The following NKAIN2 variants were observed in gnomAD, a reference collection of about 807,000 sequenced individuals.
The protein encoded by NKAIN2 is sodium/potassium-transporting ATPase subunit beta-1-interacting protein 2.
In NKAIN2, 14 loss-of-function variants were observed where a neutral mutation model predicts 32.6. That is an observed-to-expected ratio of 0.43 (90% CI 0.28 to 0.67). The LOEUF (loss-of-function observed/expected upper bound fraction) is 0.67. NKAIN2 is among the 30% of genes least tolerant of loss of function. NKAIN2 has a pLI of 0.17. For synonymous variants in NKAIN2, 80 were observed against 87.2 expected (o/e 0.92, Z 0.46); for missense variants, 198 against 258.3 (o/e 0.77, Z 1.60).
At chr6:123,810,582 A>C (rs1390178451) in intron 1 of NKAIN2, among the ~76,000 whole-genome samples, 1 of 152,222 alleles carries the variant, frequency 6.6e-6, no homozygotes, top group African/African-American at 2.4e-5. Context: ...ATAACCATGA[A>C]ATAGGGTCTT....
chr6:124,771,157 A>T (rs1052721302), intron 4 of NKAIN2, among the ~76,000 whole-genome samples: 9 of 152,196 alleles, frequency 5.9e-5, no homozygotes, highest in Non-Finnish European at 8.8e-5. Flanking sequence ...TGCCTAAGAC[A>T]GTTGCTTCAC....
chr6:124,708,767 A>G (rs1266958893), intron 4 of NKAIN2, among the ~76,000 whole-genome samples: 1 of 151,712 alleles, frequency 6.6e-6, no homozygotes, highest in Non-Finnish European at 1.5e-5. Context: ...CTAGATATAC[A>G]ATCATGTCGT....
intron 1 of NKAIN2, among the ~76,000 whole-genome samples, chr6:124,239,741 A>T (rs1440061958): frequency 6.6e-6 from 1 of 152,216 alleles, no homozygotes; most frequent in Non-Finnish European, 1.5e-5. Flanking sequence ...GACACAGTTA[A>T]AGCAGTGTTT....
At chr6:124,093,083 G>A (rs1784501053) in intron 1 of NKAIN2, among the ~76,000 whole-genome samples, 1 of 152,020 alleles carries the variant, frequency 6.6e-6, no homozygotes, top group Non-Finnish European at 1.5e-5. Flanking sequence ...TATCTTAGCT[G>A]CATGATTTCC....
At chr6:123,872,893 C>T (rs1480671336) in intron 1 of NKAIN2, among the ~76,000 whole-genome samples, 1 of 152,114 alleles carries the variant, frequency 6.6e-6, no homozygotes, top group Non-Finnish European at 1.5e-5. Context: ...CCTTATAACA[C>T]CTAAAATTAT....
chr6:124,457,857 G>A (rs1776382559), intron 3 of NKAIN2, among the ~76,000 whole-genome samples: 1 of 152,014 alleles, frequency 6.6e-6, no homozygotes, highest in South Asian at 2.1e-4. Flanking sequence ...TGTGTTGGGA[G>A]CACCATTTAT....
chr6:124,257,513 A>G lies in NKAIN2; in HGVS notation c.55-25492A>G, dbSNP rs145362855. Among the ~76,000 whole-genome samples the G allele has an allele frequency of 2.7e-3, 417 of 152,312 alleles. 1 individual carries two copies. Among genetic ancestry groups the G allele is most frequent in the African/African-American group, 9.3e-3 (386 of 41,562 alleles). ...AGACTTCTTGATTATAAAATTAGAA[A>G]TTATTTATGTAAATAAAAACTCAAT... is the stretch of plus-strand genomic sequence containing the variant. On this transcript the variant is annotated intron_variant, in intron 1 of 6. Coordinates refer to ENST00000368417, the MANE Select transcript of NKAIN2 (RefSeq NM_001040214.3).
chr6:124,038,394 T>C (rs1781703977), intron 1 of NKAIN2, among the ~76,000 whole-genome samples: 1 of 152,030 alleles, frequency 6.6e-6, no homozygotes. Flanking sequence ...TCTGTATTTT[T>C]AGTAGAGACA....
rs79161915 is a variant in NKAIN2 at position 123,889,743 on chromosome 6, A to G, written c.54+85489A>G. Among the ~76,000 whole-genome samples the G allele has an allele frequency of 5.1e-4, 78 of 152,330 alleles. No homozygotes were observed. The East Asian group carries it at 0.013, about 26-fold the overall frequency. ...GTTTTGAGTAAGCTTATAGCTACTCATGAAATTCAGGATGTTATTAGAAGT... is the reference window on the plus strand; with the variant it reads ...GTTTTGAGTAAGCTTATAGCTACTCGTGAAATTCAGGATGTTATTAGAAGT... On this transcript the variant is annotated intron_variant, in intron 1 of 6. Transcript: ENST00000368417.
chr6:124,152,400 A>G (rs570725831), intron 1 of NKAIN2, among the ~76,000 whole-genome samples: 1 of 152,058 alleles, frequency 6.6e-6, no homozygotes, highest in African/African-American at 2.4e-5. Flanking sequence ...TTGCAGCTAT[A>G]TTTTTCTCTT....
At chr6:124,544,545 A>C (rs1291028973) in intron 3 of NKAIN2, among the ~76,000 whole-genome samples, 1 of 152,142 alleles carries the variant, frequency 6.6e-6, no homozygotes, top group South Asian at 2.1e-4. Context: ...GTGTTTTACC[A>C]CTTAGAGTGA....
rs1174196731 is a variant in NKAIN2, at chr6:124,347,273, TC to T, written c.193-7992del. On this transcript the variant is annotated intron_variant, in intron 2 of 6. Transcript: ENST00000368417. ...CTCTCTGGCTGCCTTTAACATTTTT[TC>T]CTTCATTTCAACTTTGGTGAATCTG... Among the ~76,000 whole-genome samples, 136 of 152,290 alleles carry T rather than the reference TC, an allele frequency of 8.9e-4. 1 individual carries two copies. In the East Asian group the frequency reaches 0.023, roughly 25 times the overall value.
chr6:123,806,476 G>A (rs1379379671), intron 1 of NKAIN2, among the ~76,000 whole-genome samples: 1 of 151,914 alleles, frequency 6.6e-6, no homozygotes, highest in Non-Finnish European at 1.5e-5. Flanking sequence ...TTGGAAATAC[G>A]GTATTTGATT....
intron 3 of NKAIN2, among the ~76,000 whole-genome samples, chr6:124,448,259 A>G (rs943904607): frequency 7.2e-5 from 11 of 152,022 alleles, no homozygotes; most frequent in African/African-American, 2.7e-4. Flanking sequence ...ATTATCTTCT[A>G]TGTGCACATA....
chr6:124,385,558 TA>T (rs1488574109), intron 3 of NKAIN2, among the ~76,000 whole-genome samples: 4 of 152,148 alleles, frequency 2.6e-5, no homozygotes, highest in African/African-American at 7.2e-5. Context: ...TTTGAATTTT[TA>T]ATTCTGTATA....
At chr6:123,937,252 A>C (rs1214326682) in intron 1 of NKAIN2, among the ~76,000 whole-genome samples, 2 of 152,132 alleles carry the variant, frequency 1.3e-5, no homozygotes, top group Non-Finnish European at 2.9e-5. Context: ...CCATGCTTTG[A>C]GTTAGAGTAA....
Position 124,077,230 on chromosome 6 carries a change from C to T in NKAIN2, c.55-205775C>T, listed in dbSNP as rs546056409. 2.0e-5 allele frequency among the ~76,000 whole-genome samples: 3 copies of T among 152,310 alleles called. No individual in the cohort carries two copies. In the East Asian group the frequency reaches 5.8e-4, roughly 29 times the overall value. ...AGGACAATTTGTATGTAAGCATGCA[C>T]GTGAACCACTCCCACACATACCCAG... On this transcript the variant is annotated intron_variant, in intron 1 of 6. Transcript: ENST00000368417.
chr6:124,198,020 C>G (rs547391515), intron 1 of NKAIN2, among the ~76,000 whole-genome samples: 1 of 152,138 alleles, frequency 6.6e-6, no homozygotes, highest in South Asian at 2.1e-4. Context: ...TTGAGTGACT[C>G]TGTTCAGAAA....
chr6:124,123,242 G>C (rs999477028), intron 1 of NKAIN2, among the ~76,000 whole-genome samples: 1 of 151,986 alleles, frequency 6.6e-6, no homozygotes, highest in Non-Finnish European at 1.5e-5. Context: ...GTGAATGCTT[G>C]ACTGACTCTC....
Sources: allele counts gnomAD v4.1 joint callset (sites outside exome capture counted in the v4.1 genomes callset), GRCh38; gene constraint gnomAD v4.1.1; transcripts MANE v1.5; gene names NCBI Gene and HGNC (gene_info 2026-07-23, HGNC 2026-07-21).